FLT3: variants seen among roughly 807,000 people sequenced by gnomAD.
The protein encoded by FLT3 is fms related receptor tyrosine kinase 3, also known as receptor-type tyrosine-protein kinase FLT3.
In FLT3, 46 loss-of-function variants were observed where a neutral mutation model predicts 126.6. That is an observed-to-expected ratio of 0.36 (90% confidence interval 0.29 to 0.46). The LOEUF is 0.46. FLT3 is among the 20% of genes least tolerant of loss of function. The pLI is 1.00. For synonymous variants in FLT3, 404 were observed against 434.4 expected (o/e 0.93, Z 0.87); for missense variants, 1,069 against 1,190.3 (o/e 0.90, Z 1.50).
chr13:28,038,186 A>C (rs1593246094), intron 9 of FLT3, among the ~76,000 whole-genome samples: 1 of 152,140 alleles, frequency 6.6e-6, no homozygotes, highest in African/African-American at 2.4e-5. Flanking sequence ...TACTTGGAGC[A>C]CTCATCAACC....
intron 20 of FLT3, among the ~76,000 whole-genome samples, chr13:28,017,368 G>A (rs1172908663): frequency 4.0e-5 from 6 of 151,736 alleles, no homozygotes; most frequent in South Asian, 2.1e-4. Flanking sequence ...GACCACAGGC[G>A]TGTGCCACCA....
Position 28,048,277 on chromosome 13 carries a change from G to A in FLT3, c.1203C>T (p.Tyr401=), listed in dbSNP as rs2137723710. ...PCEQKGLDNG[Y]SISKFCNHKH... is the part of the protein sequence containing the mutation. ...CTTAGAGTCCTTTGTGGTCTCACCTGTATCCGTTATCAAGACCCTTTTGCT... is the reference window on the plus strand; with the variant it reads ...CTTAGAGTCCTTTGTGGTCTCACCTATATCCGTTATCAAGACCCTTTTGCT... The change falls in exon 9 of 24, where the codon TAC becomes TAT. Residue 401 remains tyrosine (Y), a splice_region_variant and synonymous_variant. Transcript: ENST00000241453. The A allele has an allele frequency of 6.2e-7, 1 of 1,612,710 alleles. No homozygotes were observed. The highest frequency in any genetic ancestry group is 8.5e-7 in the Non-Finnish European group (1 of 1,179,148).
At chr13:28,039,742 T>C (rs1874179878) in intron 9 of FLT3, among the ~76,000 whole-genome samples, 1 of 152,044 alleles carries the variant, frequency 6.6e-6, no homozygotes, top group Admixed American at 6.6e-5. Flanking sequence ...AGAGACAGGG[T>C]TCACCATGTT....
intron 15 of FLT3, among the ~76,000 whole-genome samples, chr13:28,031,377 C>T (rs1353960830): frequency 6.6e-6 from 1 of 152,028 alleles, no homozygotes; most frequent in Admixed American, 6.6e-5. Flanking sequence ...GGCCAGGTGA[C>T]TCATGGTGGA....
chr13:28,050,345 G>T (rs553438779), intron 5 of FLT3, 123 bp from the exon 6 acceptor site: 3 of 872,030 alleles, frequency 3.4e-6, no homozygotes, highest in East Asian at 5.2e-5. Context: ...AAGGTCAAAA[G>T]GTAAACAAGC....
chr13:28,031,577 G>A (rs1297813519), intron 15 of FLT3, among the ~76,000 whole-genome samples: 24 of 152,210 alleles, frequency 1.6e-4, no homozygotes, highest in Admixed American at 1.6e-3. Context: ...CCTGCAGAGA[G>A]CTAATGTCGC....
intron 1 of FLT3, among the ~76,000 whole-genome samples, chr13:28,086,451 C>T (rs1878677648): frequency 6.6e-6 from 1 of 152,008 alleles, no homozygotes; most frequent in Admixed American, 6.6e-5. Context: ...CCCCACAAGA[C>T]ATTATTATTA....
Position 28,033,925 on chromosome 13 carries a change from G to A in FLT3, c.1904C>T (p.Thr635Ile). ...GACGGCAACCTGGATTGAGACTCCT[G>A]TTTTGCTAATTCCATAAGCTGTTGC... Reference protein sequence around the residue: ...MNATAYGISKTGVSIQVAVKM... With the variant: ...MNATAYGISKIGVSIQVAVKM... Residue 635 changes from threonine (T) to isoleucine (I), a missense_variant, in exon 15 of 24, where the codon ACA (threonine) becomes ATA (isoleucine). Physicochemically the swap from Thr to Ile is moderately conservative, Grantham distance 89. Transcript: ENST00000241453. The A allele has an allele frequency of 1.2e-6, 2 of 1,614,174 alleles. No individual in the cohort carries two copies. The highest frequency in any genetic ancestry group is 8.5e-7 in the Non-Finnish European group (1 of 1,180,014).
intron 16 of FLT3, 55 bp downstream of exon 16, chr13:28,028,123 T>G: frequency 2.3e-6 from 2 of 854,086 alleles, no homozygotes; most frequent in Non-Finnish European, 4.1e-6. Context: ...AAACATCCTC[T>G]TTGTCATCAA....
chr13:28,020,707 C>A lies in FLT3; in HGVS notation c.2419-2118G>T, dbSNP rs193076678. ...CTGTCTCCCCTATCATTCATAAGAT[C>A]TTCGAGCCCAGGAGTCATATCATAA... On this transcript the variant is annotated intron_variant, in intron 19 of 23. Transcript: ENST00000241453. 5.9e-4 allele frequency among the ~76,000 whole-genome samples: 90 copies of A among 152,226 alleles called. 1 individual carries two copies. The highest frequency in any genetic ancestry group is 4.4e-3 in the Admixed American group (67 of 15,288).
chr13:28,036,681 C>T (rs138164949), intron 10 of FLT3, among the ~76,000 whole-genome samples: 42 of 152,292 alleles, frequency 2.8e-4, no homozygotes, highest in African/African-American at 9.9e-4. Flanking sequence ...ATGATACACA[C>T]AGAAAGAGAT....
chr13:28,053,860 T>C (rs1054985589), intron 4 of FLT3, among the ~76,000 whole-genome samples: 2 of 151,916 alleles, frequency 1.3e-5, no homozygotes, highest in African/African-American at 4.8e-5. Flanking sequence ...TTTCCTTCCG[T>C]GTGTGTGTGT....
chr13:28,084,973 T>TAAA (rs59333724), intron 1 of FLT3, among the ~76,000 whole-genome samples: 313 of 133,262 alleles, frequency 2.3e-3, no homozygotes, highest in African/African-American at 8.7e-3. Context: ...AGCCTTCCTC[T>TAAA]AAAAAAAAAA....
At chr13:28,037,398 A>C (rs1296061928) in intron 9 of FLT3, 110 bp from the exon 10 acceptor site, 1 of 702,250 alleles carries the variant, frequency 1.4e-6, no homozygotes, top group Non-Finnish European at 2.5e-6. Context: ...CTCACTTGCT[A>C]AAGTTCACTG....
chr13:28,087,132 T>C (rs1003331943), intron 1 of FLT3, among the ~76,000 whole-genome samples: 12 of 152,346 alleles, frequency 7.9e-5, no homozygotes, highest in Middle Eastern at 3.4e-3. Flanking sequence ...TACAGTGGCA[T>C]GATCATAGCT....
chr13:28,054,220 T>C (rs1449773737), intron 4 of FLT3, among the ~76,000 whole-genome samples: 1 of 152,210 alleles, frequency 6.6e-6, no homozygotes. Flanking sequence ...TGAGAGCACC[T>C]ATTGCTTTAT....
chr13:28,028,078 A>G lies in FLT3; in HGVS notation c.2053+100T>C, dbSNP rs1405009751. 6 of 643,318 alleles carry G rather than the reference A, an allele frequency of 9.3e-6. No homozygotes were observed. In the East Asian group the frequency reaches 1.4e-4, roughly 15 times the overall value. 39.9% of individuals were successfully genotyped at this position (643,318 alleles called of 1,614,324 possible). A position where few individuals can be genotyped will look rare whatever the true frequency, so the allele number is the denominator to read the frequency against. ...GTTCACACTGTGACTGAGAAAAGAC[A>G]AAGAATTAAAAAGAGAGAGAGAGAG... is the stretch of plus-strand genomic sequence containing the variant. On this transcript the variant is annotated intron_variant, in intron 16 of 23. Coordinates refer to ENST00000241453, the MANE Select transcript of FLT3 (RefSeq NM_004119.3).
intron 19 of FLT3, 60 bp from the exon 20 acceptor site, chr13:28,018,649 C>A (rs893423775): frequency 2.2e-5 from 35 of 1,580,968 alleles, no homozygotes; most frequent in Non-Finnish European, 3.0e-5. Flanking sequence ...GGAGTGCAAT[C>A]TTTCTTCTAG....
intron 1 of FLT3, among the ~76,000 whole-genome samples, chr13:28,087,936 A>T (rs1301303285): frequency 1.3e-5 from 2 of 152,140 alleles, no homozygotes; most frequent in African/African-American, 2.4e-5. Flanking sequence ...TGTTATAATA[A>T]CCGTTTTAAT....
Sources: allele counts gnomAD v4.1 joint callset (sites outside exome capture counted in the v4.1 genomes callset), GRCh38; gene constraint gnomAD v4.1.1; transcripts MANE v1.5; gene names NCBI Gene and HGNC (gene_info 2026-07-23, HGNC 2026-07-21).